The following DPP10 variants were observed in gnomAD, a reference collection of about 807,000 sequenced individuals.
DPP10 encodes the protein dipeptidyl peptidase like 10.
In DPP10, 33 loss-of-function variants were observed where a neutral mutation model predicts 120.9. The ratio of observed to expected loss-of-function variants is 0.27; its 90% CI spans 0.21 to 0.37. The LOEUF (loss-of-function observed/expected upper bound fraction) is 0.37, where lower values mean the gene tolerates loss of function less well. DPP10 is among the 10% of genes least tolerant of loss of function. The pLI, the probability that DPP10 is intolerant of heterozygous loss-of-function variation, is 1.00. For missense variants in DPP10, 816 were observed against 942.8 expected (o/e 0.87, Z 1.76); for synonymous variants, 337 against 326.1 (o/e 1.03, Z -0.36).
chr2:115,558,066 T>TTGTG (rs887135113), intron 5 of DPP10, among the ~76,000 whole-genome samples: 1 of 152,128 alleles, frequency 6.6e-6, no homozygotes, highest in Admixed American at 6.6e-5. Context: ...ACATGTACAT[T>TTGTG]TGTGTGTGTG....
intron 1 of DPP10, among the ~76,000 whole-genome samples, chr2:114,981,539 G>A (rs143209349): frequency 1.3e-5 from 2 of 152,212 alleles, no homozygotes; most frequent in East Asian, 3.9e-4. Flanking sequence ...TCTACTACTG[G>A]GAATTCGGAC....
intron 1 of DPP10, among the ~76,000 whole-genome samples, chr2:115,207,416 CAAAAAAAAA>C (rs57462947): frequency 0.1 from 5,373 of 52,066 alleles, 384 homozygotes; most frequent in African/African-American, 0.33. Context: ...CTTACTGCAC[CAAAAAAAAA>C]AAAAAAAAAA....
At chr2:114,489,412 G>C (rs1681791447) in intron 1 of DPP10, among the ~76,000 whole-genome samples, 1 of 152,190 alleles carries the variant, frequency 6.6e-6, no homozygotes, top group Non-Finnish European at 1.5e-5. Context: ...TGCATTTGCT[G>C]TAGCCAGGGG....
At chr2:115,445,842 C>A (rs181119277) in intron 3 of DPP10, among the ~76,000 whole-genome samples, 1 of 152,300 alleles carries the variant, frequency 6.6e-6, no homozygotes, top group East Asian at 1.9e-4. Flanking sequence ...GCCTGTCAGA[C>A]CTCCATGGAA....
At chr2:115,567,233 C>A (rs11891701) in intron 5 of DPP10, among the ~76,000 whole-genome samples, 79,843 of 151,784 alleles carry the variant, frequency 0.53, 22,829 homozygotes, top group Middle Eastern at 0.69. Context: ...ATATATAATT[C>A]TAAAATTTAA....
At chr2:114,693,795 C>G (rs750480696) in intron 1 of DPP10, among the ~76,000 whole-genome samples, 1 of 151,846 alleles carries the variant, frequency 6.6e-6, no homozygotes, top group African/African-American at 2.4e-5. Flanking sequence ...TCTTTTATCT[C>G]TATTCTTTTC....
At chr2:115,402,854 A>AATATATATATATATATAT (rs757052503) in intron 3 of DPP10, among the ~76,000 whole-genome samples, 1 of 97,668 alleles carries the variant, frequency 1.0e-5, no homozygotes, top group African/African-American at 3.9e-5. Context: ...AAAAAAAAAA[A>AATATATATATATATATAT]ATATATATAT....
intron 21 of DPP10, among the ~76,000 whole-genome samples, chr2:115,821,159 T>C (rs1462388481): frequency 6.6e-6 from 1 of 152,192 alleles, no homozygotes; most frequent in East Asian, 1.9e-4. Context: ...GATGTTCAAA[T>C]AATAAACATT....
At chr2:115,395,556 A>G (rs1055788957) in intron 3 of DPP10, among the ~76,000 whole-genome samples, 1 of 152,108 alleles carries the variant, frequency 6.6e-6, no homozygotes, top group Non-Finnish European at 1.5e-5. Context: ...GTTTTACTTG[A>G]CTGATTAATG....
intron 2 of DPP10, among the ~76,000 whole-genome samples, chr2:115,329,648 C>T (rs1044836117): frequency 2.0e-5 from 3 of 152,082 alleles, no homozygotes; most frequent in African/African-American, 7.2e-5. Flanking sequence ...CAAGCGTTTT[C>T]ATTGTTCAAT....
chr2:115,379,384 G>C (rs2066097719), intron 3 of DPP10, among the ~76,000 whole-genome samples: 2 of 152,064 alleles, frequency 1.3e-5, no homozygotes. Flanking sequence ...TATTTCTGTG[G>C]GATCGGTGGT....
At chr2:114,727,642 G>C (rs112206264) in intron 1 of DPP10, among the ~76,000 whole-genome samples, 182 of 152,184 alleles carry the variant, frequency 1.2e-3, no homozygotes, top group African/African-American at 4.0e-3. Context: ...TTCACTCTTA[G>C]GAAAACCAAC....
At chr2:114,881,895 A>G (rs1691675286) in intron 1 of DPP10, among the ~76,000 whole-genome samples, 1 of 152,144 alleles carries the variant, frequency 6.6e-6, no homozygotes, top group Non-Finnish European at 1.5e-5. Flanking sequence ...GAGCAAATAA[A>G]CTGAGTCAGT....
chr2:115,053,257 G>A (rs1379969611), intron 1 of DPP10, among the ~76,000 whole-genome samples: 2 of 152,152 alleles, frequency 1.3e-5, no homozygotes, highest in Admixed American at 6.5e-5. Context: ...TATGTGGTAT[G>A]TTCATGTAAT....
intron 1 of DPP10, among the ~76,000 whole-genome samples, chr2:114,666,647 C>G (rs144388666): frequency 6.6e-5 from 10 of 152,192 alleles, no homozygotes; most frequent in African/African-American, 2.4e-4. Flanking sequence ...AGACATAGAA[C>G]CAGATAGGGC....
chr2:115,482,998 C>T (rs1391603655), intron 3 of DPP10, among the ~76,000 whole-genome samples: 1 of 151,996 alleles, frequency 6.6e-6, no homozygotes, highest in Non-Finnish European at 1.5e-5. Flanking sequence ...TATACTCAGT[C>T]TTATTCAAAG....
chr2:115,049,054 G>T (rs899306073), intron 1 of DPP10, among the ~76,000 whole-genome samples: 2 of 151,926 alleles, frequency 1.3e-5, no homozygotes, highest in African/African-American at 4.8e-5. Flanking sequence ...GTGATGGGTG[G>T]TTTGGTAGAT....
chr2:115,528,586 T>C (rs553864852), intron 5 of DPP10, among the ~76,000 whole-genome samples: 1 of 152,186 alleles, frequency 6.6e-6, no homozygotes, highest in East Asian at 1.9e-4. Context: ...GCCTTATTTA[T>C]AATAGCCAAA....
At chr2:115,529,857 A>C (rs1485406160) in intron 5 of DPP10, among the ~76,000 whole-genome samples, 1 of 152,132 alleles carries the variant, frequency 6.6e-6, no homozygotes, top group African/African-American at 2.4e-5. Flanking sequence ...CATTCTCTAA[A>C]CACAGAAACT....
Sources: gnomAD v4.1 joint callset for allele counts (sites outside exome capture counted in the v4.1 genomes callset) on GRCh38, gnomAD v4.1.1 for gene constraint, MANE v1.5 for transcripts, NCBI Gene and HGNC (gene_info 2026-07-23, HGNC 2026-07-21) for gene names.